Variants in BCAR3 observed in about 807,000 individuals in gnomAD.
BCAR3 encodes the protein breast cancer anti-estrogen resistance protein 3.
In BCAR3, 37 loss-of-function variants were observed where a neutral mutation model predicts 80.1. The ratio of observed to expected loss-of-function variants is 0.46; its 90% CI spans 0.36 to 0.61. BCAR3 has a LOEUF of 0.61. Among genes scored for constraint, BCAR3 ranks in the 20% least tolerant of loss-of-function variants. The pLI is 0.00. For missense variants in BCAR3, 978 were observed against 1,068.2 expected, an observed-to-expected ratio of 0.92 and a Z score of 1.18; for synonymous variants, 389 against 418.9, an observed-to-expected ratio of 0.93 and a Z score of 0.87.
At chr1:93,737,319 G>A (rs946605239) in intron 2 of BCAR3, among the ~76,000 whole-genome samples, 1 of 152,188 alleles carries the variant, frequency 6.6e-6, no homozygotes, top group African/African-American at 2.4e-5. Flanking sequence ...TTTTGCAGGT[G>A]TAATTAGTTA....
chr1:93,822,590 C>T (rs1475961505), intron 2 of BCAR3, among the ~76,000 whole-genome samples: 4 of 152,088 alleles, frequency 2.6e-5, no homozygotes, highest in East Asian at 1.9e-4. Context: ...CTGCCCGCCT[C>T]GGCCTCCTAA....
At chr1:93,580,202 T>C (rs12059142) in intron 7 of BCAR3, among the ~76,000 whole-genome samples, 7,372 of 152,220 alleles carry the variant, frequency 0.048, 607 homozygotes, top group African/African-American at 0.17. Flanking sequence ...AAGCCTGTTT[T>C]GGGGAGCCCT....
At chr1:93,769,824 C>T (rs56872721) in intron 2 of BCAR3, among the ~76,000 whole-genome samples, 17,781 of 152,204 alleles carry the variant, frequency 0.12, 1,461 homozygotes, top group African/African-American at 0.22. Context: ...CTTTCATATC[C>T]TGGATTGGGA....
chr1:93,726,940 T>C (rs1207940465), intron 2 of BCAR3, among the ~76,000 whole-genome samples: 2 of 152,262 alleles, frequency 1.3e-5, no homozygotes, highest in African/African-American at 2.4e-5. Context: ...TTGGTGTTTT[T>C]TCTTTGTGAA....
At chr1:93,605,038 C>A (rs1192914673) in intron 3 of BCAR3, among the ~76,000 whole-genome samples, 1 of 152,192 alleles carries the variant, frequency 6.6e-6, no homozygotes, top group Non-Finnish European at 1.5e-5. Context: ...AACCGAAACA[C>A]GATGAGATTT....
intron 2 of BCAR3, among the ~76,000 whole-genome samples, chr1:93,796,517 C>A (rs1177061937): frequency 1.3e-5 from 2 of 150,512 alleles, no homozygotes; most frequent in East Asian, 2.0e-4. Context: ...CTTCGGCTCG[C>A]GCACGGTGCG....
intron 2 of BCAR3, among the ~76,000 whole-genome samples, chr1:93,838,431 C>G (rs565323564): frequency 5.9e-5 from 9 of 152,168 alleles, no homozygotes; most frequent in Admixed American, 3.3e-4. Context: ...GAGAGTAGCA[C>G]GAAGCCATTC....
At chr1:93,751,061 C>A (rs150950620) in intron 2 of BCAR3, among the ~76,000 whole-genome samples, 2 of 152,148 alleles carry the variant, frequency 1.3e-5, no homozygotes, top group Admixed American at 6.5e-5. Flanking sequence ...CACCACCAAA[C>A]GCCCGGCACA....
intron 2 of BCAR3, among the ~76,000 whole-genome samples, chr1:93,779,588 A>G (rs1432430013): frequency 6.6e-6 from 1 of 152,194 alleles, no homozygotes; most frequent in African/African-American, 2.4e-5. Context: ...TGAGCCATGC[A>G]GATACCTAGG....
chr1:93,818,064 C>T (rs191785717), intron 2 of BCAR3, among the ~76,000 whole-genome samples: 12 of 152,324 alleles, frequency 7.9e-5, no homozygotes, highest in African/African-American at 2.9e-4. Flanking sequence ...TAACCACGTG[C>T]CACTTTATGG....
chr1:93,684,360 C>T (rs1250770923), upstream of BCAR3, among the ~76,000 whole-genome samples: 1 of 152,100 alleles, frequency 6.6e-6, no homozygotes, highest in East Asian at 1.9e-4. Context: ...TAAAGAAAGA[C>T]CAGAAGAAAA....
chr1:93,569,305 G>A (rs1673108583), intron 9 of BCAR3, among the ~76,000 whole-genome samples: 1 of 152,228 alleles, frequency 6.6e-6, no homozygotes, highest in Admixed American at 6.5e-5. Flanking sequence ...CTTCCCAGCT[G>A]GTATGTGGTA....
chr1:93,772,491 A>G (rs750058267), intron 2 of BCAR3, among the ~76,000 whole-genome samples: 6 of 152,210 alleles, frequency 3.9e-5, no homozygotes, highest in African/African-American at 9.7e-5. Context: ...CCCAGCATCT[A>G]TCTCTGCAAC....
intron 1 of BCAR3, chr1:93,846,850 G>A: frequency 2.1e-6 from 1 of 477,992 alleles, no homozygotes; most frequent in Non-Finnish European, 4.3e-6. Flanking sequence ...GCCCCCCTCA[G>A]TCCACCAGAG....
At chr1:93,775,517 T>C (rs540228068) in intron 2 of BCAR3, 2 of 152,306 alleles carry the variant, frequency 1.3e-5, no homozygotes, top group East Asian at 1.9e-4. Context: ...TGTCCTGAGC[T>C]GAAAGGAAGG....
chr1:93,682,736 G>T (rs1000557638), upstream of BCAR3, among the ~76,000 whole-genome samples: 6 of 152,106 alleles, frequency 3.9e-5, no homozygotes, highest in South Asian at 1.0e-3. Flanking sequence ...TGTATTTTTA[G>T]TAGAGACGGG....
intron 2 of BCAR3, among the ~76,000 whole-genome samples, chr1:93,769,655 A>C (rs1652285519): frequency 6.6e-6 from 1 of 152,108 alleles, no homozygotes; most frequent in Non-Finnish European, 1.5e-5. Flanking sequence ...AGTTTGAAGA[A>C]TTACTGTTCG....
chr1:93,751,692 C>A (rs991693734), intron 2 of BCAR3, among the ~76,000 whole-genome samples: 6 of 152,206 alleles, frequency 3.9e-5, no homozygotes, highest in Non-Finnish European at 8.8e-5. Flanking sequence ...TGCTGTATCA[C>A]CCCTTTCCTC....
intron 3 of BCAR3, among the ~76,000 whole-genome samples, chr1:93,610,212 C>T (rs138206750): frequency 7.9e-4 from 120 of 152,354 alleles, no homozygotes; most frequent in African/African-American, 2.6e-3. Flanking sequence ...ACCCCTGGTA[C>T]AGGAGGCCTG....
Sources: gnomAD v4.1 joint callset for allele counts (sites outside exome capture counted in the v4.1 genomes callset) on GRCh38, gnomAD v4.1.1 for gene constraint, MANE v1.5 for transcripts, NCBI Gene and HGNC (gene_info 2026-07-23, HGNC 2026-07-21) for gene names.